OLFML2B: variants seen among roughly 807,000 people sequenced by gnomAD.
OLFML2B encodes the protein olfactomedin-like protein 2B.
In OLFML2B, 57 loss-of-function variants were observed where a neutral mutation model predicts 74.9. The observed-to-expected ratio is 0.76, with a 90% CI of 0.61 to 0.95. The LOEUF (loss-of-function observed/expected upper bound fraction) is 0.95. OLFML2B is among the 40% of genes least tolerant of loss of function. The pLI is 0.00. For missense variants in OLFML2B, 986 were observed against 970.6 expected, an observed-to-expected ratio of 1.02 and a Z score of -0.21; for synonymous variants, 388 against 405.8, an observed-to-expected ratio of 0.96 and a Z score of 0.53.
At chr1:162,017,623 G>T in intron 2 of OLFML2B, 116 bp from the exon 3 acceptor site, 1 of 688,712 alleles carries the variant, frequency 1.5e-6, no homozygotes. Context: ...CAGGAATTGA[G>T]AGGTTGCCGT....
At chr1:162,017,294 G>A (rs1690566579) in intron 3 of OLFML2B, 106 bp downstream of exon 3, 2 of 780,788 alleles carry the variant, frequency 2.6e-6, no homozygotes, top group Non-Finnish European at 4.4e-6. Flanking sequence ...AATAGGATGG[G>A]TTAAGTCTAG....
chr1:161,988,683 C>T (rs1307596432), intron 6 of OLFML2B, among the ~76,000 whole-genome samples: 1 of 151,912 alleles, frequency 6.6e-6, no homozygotes, highest in Non-Finnish European at 1.5e-5. Context: ...CCTCTTCTGC[C>T]TGCTTTCAAA....
chr1:161,999,557 G>A (rs997979104), intron 5 of OLFML2B, among the ~76,000 whole-genome samples: 2 of 152,178 alleles, frequency 1.3e-5, no homozygotes, highest in Non-Finnish European at 2.9e-5. Flanking sequence ...CCTGCTGGGA[G>A]TGCTGGGCAA....
At position 161,998,162 on chromosome 1, in the gene OLFML2B, C is replaced by T. The variant is rs750392095; in HGVS notation, c.1137G>A (p.Ser379=). 3.7e-6 allele frequency: 6 copies of T among 1,614,016 alleles called. No homozygotes were observed. The highest frequency in any genetic ancestry group is 2.2e-5 in the East Asian group (1 of 44,878). The change falls in exon 6 of 8, where the codon TCG becomes TCA. Residue 379 remains serine (S), a synonymous_variant. Coordinates refer to ENST00000294794, the MANE Select transcript of OLFML2B (RefSeq NM_015441.3). ...GGTTGGCGATGCTGGGATCTGAGGTCGAGGGCTGTGGCAGTGCTGAGGACC... is the reference window on the plus strand; with the variant it reads ...GGTTGGCGATGCTGGGATCTGAGGTTGAGGGCTGTGGCAGTGCTGAGGACC... ...APWSSALPQP[S]TSDPSIANHA...
chr1:162,014,842 C>A (rs906245319), intron 3 of OLFML2B, among the ~76,000 whole-genome samples: 1 of 152,202 alleles, frequency 6.6e-6, no homozygotes, highest in African/African-American at 2.4e-5. Context: ...TTTAATGGGT[C>A]TATGGGATAG....
chr1:161,985,756 C>T (rs1689576549), intron 6 of OLFML2B, among the ~76,000 whole-genome samples: 1 of 152,180 alleles, frequency 6.6e-6, no homozygotes, highest in South Asian at 2.1e-4. Context: ...GGGCCCTCTG[C>T]TGGGTAACTG....
chr1:161,999,606 G>A (rs948982622), intron 5 of OLFML2B, among the ~76,000 whole-genome samples: 1 of 152,158 alleles, frequency 6.6e-6, no homozygotes, highest in African/African-American at 2.4e-5. Context: ...AGGAGGCGAG[G>A]AGGAGCACAG....
intron 1 of OLFML2B, among the ~76,000 whole-genome samples, chr1:162,021,678 G>A (rs1690706013): frequency 6.6e-6 from 1 of 152,208 alleles, no homozygotes; most frequent in South Asian, 2.1e-4. Flanking sequence ...AGTGGAAGAA[G>A]GTGGTGTAGT....
rs1477838662 is a variant in OLFML2B at position 161,984,936 on chromosome 1, G to C, written c.1519C>G (p.Gln507Glu). The change falls in exon 7 of 8, where the codon CAG becomes GAG. Residue 507 changes from glutamine to glutamate, a missense_variant. Coordinates refer to ENST00000294794, the MANE Select transcript of OLFML2B (RefSeq NM_015441.3). ...CCTTCATTCCGCCCATATGTGTTCT[G>C]GGTGGTCGGCCCCGTGATTGTGGAG... ...TLSTITGPTT[Q>E]NTYGRNEGAW... 2 of 1,611,510 alleles carry C rather than the reference G, an allele frequency of 1.2e-6. No individual in the cohort carries two copies. The highest frequency in any genetic ancestry group is 1.7e-6 in the Non-Finnish European group (2 of 1,179,438).
chr1:162,003,532 G>A (rs990002269), intron 4 of OLFML2B, among the ~76,000 whole-genome samples: 1 of 152,178 alleles, frequency 6.6e-6, no homozygotes, highest in Admixed American at 6.5e-5. Flanking sequence ...GCGACAGGCT[G>A]CACTGGGCGG....
intron 3 of OLFML2B, among the ~76,000 whole-genome samples, chr1:162,016,648 A>T (rs941012903): frequency 7.2e-5 from 11 of 152,208 alleles, no homozygotes; most frequent in African/African-American, 1.9e-4. Context: ...TTCCTTACCA[A>T]TAAGATTGAA....
chr1:162,015,936 T>C (rs925830333), intron 3 of OLFML2B, among the ~76,000 whole-genome samples: 1 of 152,176 alleles, frequency 6.6e-6, no homozygotes, highest in East Asian at 1.9e-4. Flanking sequence ...AGACCTCATA[T>C]CTGATGTGAT....
intron 6 of OLFML2B, among the ~76,000 whole-genome samples, chr1:161,987,664 A>C (rs973545279): frequency 6.6e-6 from 1 of 152,222 alleles, no homozygotes; most frequent in Non-Finnish European, 1.5e-5. Context: ...TAGAGAGTAC[A>C]TTTCTGTTTT....
chr1:162,006,843 C>T (rs115124533), intron 3 of OLFML2B, among the ~76,000 whole-genome samples: 319 of 152,286 alleles, frequency 2.1e-3, no homozygotes, highest in Middle Eastern at 6.8e-3. Context: ...TCCATTCACT[C>T]GCATCCCATA....
chr1:161,994,304 A>G (rs370801695), intron 6 of OLFML2B, among the ~76,000 whole-genome samples: 61 of 152,382 alleles, frequency 4.0e-4, no homozygotes, highest in African/African-American at 1.3e-3. Context: ...CTGACACGAG[A>G]CAGGCAGGAC....
chr1:162,021,203 A>G (rs1252370684), intron 1 of OLFML2B, among the ~76,000 whole-genome samples: 2 of 152,246 alleles, frequency 1.3e-5, no homozygotes, highest in African/African-American at 4.8e-5. Flanking sequence ...GGAAAGAGGC[A>G]GGTCCAGAAG....
Position 161,998,128 on chromosome 1 carries a change from C to T in OLFML2B, c.1171G>A (p.Val391Met). 1 of 1,614,058 alleles carries T rather than the reference C, an allele frequency of 6.2e-7. No homozygotes were observed. The highest frequency in any genetic ancestry group is 8.5e-7 in the Non-Finnish European group (1 of 1,180,040). ...SDPSIANHAS[V>M]GPTLQTTSVS... ...GAGGTTGTTTGGAGTGTTGGTCCCA[C>T]TGAGGCATGGTTGGCGATGCTGGGA... is the stretch of plus-strand genomic sequence containing the variant. Residue 391 changes from valine to methionine, a missense_variant, in exon 6 of 8, where the codon GTG becomes ATG. Coordinates refer to ENST00000294794, the MANE Select transcript of OLFML2B (RefSeq NM_015441.3).
At chr1:162,019,836 G>T in intron 2 of OLFML2B, 83 bp downstream of exon 2, 1 of 1,520,450 alleles carries the variant, frequency 6.6e-7, no homozygotes. Context: ...AAAGGGCTTA[G>T]AATCTTCAAC....
rs150924085 is a variant in OLFML2B, at chr1:162,000,146, C to A, written c.916G>T (p.Val306Phe). Residue 306 changes from valine to phenylalanine, a missense_variant, in exon 5 of 8, where the codon GTC (valine) becomes TTC (phenylalanine). Transcript: ENST00000294794. ...TCAATGTCATTCTCTTCTTCAGAGA[C>A]CTTGGCTTTATAGTAGGTGATGCCC... ...IRGITYYKAK[V>F]SEEENDIEEQ... 2.4e-5 allele frequency: 38 copies of A among 1,608,456 alleles called. No homozygotes were observed. In the African/African-American group the frequency reaches 4.3e-4, roughly 18 times the overall value.
Sources: allele counts gnomAD v4.1 joint callset (sites outside exome capture counted in the v4.1 genomes callset), GRCh38; gene constraint gnomAD v4.1.1; transcripts MANE v1.5; gene names NCBI Gene and HGNC (gene_info 2026-07-23, HGNC 2026-07-21).